Variants in SPTLC1 observed in about 807,000 individuals in gnomAD.
SPTLC1 encodes serine palmitoyltransferase 1.
A neutral mutation model predicts 68.9 loss-of-function variants in SPTLC1; 55 were observed. The observed-to-expected ratio is 0.80, with a 90% CI of 0.64 to 1.00. SPTLC1 has a LOEUF of 1.00. Among genes scored for constraint, SPTLC1 ranks in the 50% least tolerant of loss-of-function variants. The probability of loss-of-function intolerance (pLI) is 0.00; values close to 1 mark genes in which losing one functional copy is unlikely to be tolerated. For missense variants in SPTLC1, 449 were observed against 573.1 expected (o/e 0.78, Z 2.21); for synonymous variants, 197 against 201.6 (o/e 0.98, Z 0.19).
chr9:92,032,120 G>C lies in SPTLC1; in HGVS notation c.*345C>G. On this transcript the variant is annotated 3_prime_UTR_variant, in exon 15 of 15. Coordinates refer to ENST00000262554, the MANE Select transcript of SPTLC1 (RefSeq NM_006415.4). ...AACCATTACTATTAGAGGGAGGGAA[G>C]AGACACTGAAGCTCCAGTTTTAAAC... 3.0e-6 allele frequency: 2 copies of C among 657,854 alleles called. No homozygotes were observed. The highest frequency in any genetic ancestry group is 5.5e-5 in the East Asian group (2 of 36,176). 40.8% of individuals were successfully genotyped at this position (657,854 alleles called of 1,614,324 possible). A position where few individuals can be genotyped will look rare whatever the true frequency, so the allele number is the denominator to read the frequency against.
chr9:92,088,284 G>C (rs900599421), intron 3 of SPTLC1, among the ~76,000 whole-genome samples: 1 of 152,246 alleles, frequency 6.6e-6, no homozygotes, highest in African/African-American at 2.4e-5. Flanking sequence ...GCACTCCCTA[G>C]TGAGATGAAC....
intron 5 of SPTLC1, among the ~76,000 whole-genome samples, chr9:92,074,879 A>G (rs1834625605): frequency 6.6e-6 from 1 of 151,970 alleles, no homozygotes; most frequent in Non-Finnish European, 1.5e-5. Context: ...TGCCTTCTTT[A>G]CCATCCCCTT....
At chr9:92,060,974 CTAGA>C (rs1834079777) in intron 6 of SPTLC1, among the ~76,000 whole-genome samples, 1 of 150,412 alleles carries the variant, frequency 6.6e-6, no homozygotes, top group African/African-American at 2.4e-5. Context: ...AGAAAATAGA[CTAGA>C]AAGAAATGAA....
intron 3 of SPTLC1, among the ~76,000 whole-genome samples, chr9:92,100,007 C>T (rs932441871): frequency 5.3e-5 from 8 of 151,186 alleles, no homozygotes; most frequent in Non-Finnish European, 1.2e-4. Flanking sequence ...TTGCCTAACA[C>T]ATTTCTCAGA....
At chr9:92,065,602 A>G (rs533630596) in intron 6 of SPTLC1, among the ~76,000 whole-genome samples, 2 of 152,296 alleles carry the variant, frequency 1.3e-5, no homozygotes, top group South Asian at 4.1e-4. Context: ...TGGACTTTAA[A>G]AGAATTTATA....
At position 92,032,540 on chromosome 9, in the gene SPTLC1, C is replaced by T. The variant is rs749165047; in HGVS notation, c.1347G>A (p.Thr449=). The change falls in exon 15 of 15, where the codon ACG becomes ACA. Residue 449 remains threonine, a synonymous_variant. Coordinates refer to ENST00000262554, the MANE Select transcript of SPTLC1 (RefSeq NM_006415.4). ...LPPPSIRVVV[T]VEQTEEELER... is the part of the protein sequence containing the mutation. Reference sequence around the variant, plus strand: ...CCAGTTCTTCCTCTGTTTGTTCCACCGTGACCACAACCCGAATGCTGAGAA... The same window carrying T: ...CCAGTTCTTCCTCTGTTTGTTCCACTGTGACCACAACCCGAATGCTGAGAA... The T allele has an allele frequency of 3.3e-5, 53 of 1,613,998 alleles. No homozygotes were observed. The highest frequency in any genetic ancestry group is 2.7e-4 in the Admixed American group (16 of 59,994).
rs1472908452 is a variant in SPTLC1 at position 92,084,672 on chromosome 9, T to A, written c.261-3709A>T. 7.3e-5 allele frequency among the ~76,000 whole-genome samples: 11 copies of A among 150,662 alleles called. No individual in the cohort carries two copies. The South Asian group carries it at 2.3e-3, about 32-fold the overall frequency. The stretch of plus-strand genomic sequence containing the variant: ...ATTTTATTGAGGATTTTTGCATCAA[T>A]GTTCATCAAGGATATTGGTCTAAAA... On this transcript the variant is annotated intron_variant, in intron 3 of 14. Transcript: ENST00000262554.
At chr9:92,101,680 T>C (rs1177411352) in intron 3 of SPTLC1, among the ~76,000 whole-genome samples, 1 of 141,232 alleles carries the variant, frequency 7.1e-6, no homozygotes, top group Admixed American at 7.2e-5. Context: ...AATGGCACAC[T>C]AGATCAAACA....
At chr9:92,059,751 CTG>C (rs1440585407) in intron 6 of SPTLC1, among the ~76,000 whole-genome samples, 1 of 152,198 alleles carries the variant, frequency 6.6e-6, no homozygotes, top group Non-Finnish European at 1.5e-5. Flanking sequence ...GACTATTCTA[CTG>C]TAGCCAAACA....
chr9:92,048,303 TG>T (rs1833589629), intron 9 of SPTLC1, among the ~76,000 whole-genome samples: 1 of 152,178 alleles, frequency 6.6e-6, no homozygotes, highest in Non-Finnish European at 1.5e-5. Flanking sequence ...TCCTCATCTT[TG>T]GGTCCAGCCC....
At chr9:92,076,131 TTAA>T (rs1042899089) in intron 5 of SPTLC1, among the ~76,000 whole-genome samples, 2 of 152,140 alleles carry the variant, frequency 1.3e-5, no homozygotes, top group Non-Finnish European at 2.9e-5. Flanking sequence ...GGACTGCATG[TTAA>T]TATCTAATTG....
At chr9:92,099,124 T>A (rs1318402370) in intron 3 of SPTLC1, among the ~76,000 whole-genome samples, 3 of 152,304 alleles carry the variant, frequency 2.0e-5, no homozygotes, top group East Asian at 3.9e-4. Flanking sequence ...CACTAAATTA[T>A]CTAAGGACAC....
intron 9 of SPTLC1, among the ~76,000 whole-genome samples, chr9:92,049,309 G>A (rs986553150): frequency 5.3e-5 from 8 of 152,304 alleles, no homozygotes; most frequent in Admixed American, 5.2e-4. Flanking sequence ...CATGGTGGTT[G>A]GTAAGACAGC....
chr9:92,041,428 C>A (rs1470679881), intron 12 of SPTLC1, among the ~76,000 whole-genome samples: 2 of 152,086 alleles, frequency 1.3e-5, no homozygotes, highest in African/African-American at 2.4e-5. Flanking sequence ...TGAAAACACA[C>A]AAAACCAAAT....
chr9:92,086,636 T>G (rs1399509610), intron 3 of SPTLC1, among the ~76,000 whole-genome samples: 1 of 152,262 alleles, frequency 6.6e-6, no homozygotes, highest in South Asian at 2.1e-4. Context: ...GGGCTTCCCT[T>G]TGTGGGTAAC....
rs959637879 is a variant in SPTLC1, at chr9:92,049,894, G to A, written c.888+66C>T. ...CTGTCTTGTGCCTATAAAAATATAG[G>A]CCTAGCAGAATGGAACTACATGTCT... On this transcript the variant is annotated intron_variant, in intron 9 of 14. Coordinates refer to ENST00000262554, the MANE Select transcript of SPTLC1 (RefSeq NM_006415.4). The A allele has an allele frequency of 4.0e-5, 42 of 1,058,478 alleles. No individual in the cohort carries two copies. In the Admixed American group the frequency reaches 7.1e-4, roughly 18 times the overall value. The allele number at this position is 1,058,478 out of a possible 1,614,324, so 65.6% of individuals were successfully genotyped here.
At chr9:92,094,137 C>T (rs1268381376) in intron 3 of SPTLC1, among the ~76,000 whole-genome samples, 1 of 152,152 alleles carries the variant, frequency 6.6e-6, no homozygotes, top group Non-Finnish European at 1.5e-5. Flanking sequence ...TTTAAGAATA[C>T]AAACCGTAAG....
At chr9:92,049,101 G>T (rs113064719) in intron 9 of SPTLC1, among the ~76,000 whole-genome samples, 15 of 152,230 alleles carry the variant, frequency 9.9e-5, no homozygotes, top group African/African-American at 3.4e-4. Context: ...ACTGCTGAAT[G>T]TCAGTCTGCC....
chr9:92,108,564 G>C (rs1351884526), intron 3 of SPTLC1, 176 bp downstream of exon 3: 1 of 803,598 alleles, frequency 1.2e-6, no homozygotes, highest in African/African-American at 1.7e-5. Flanking sequence ...TTTAAAAAAT[G>C]CCTGTATCAT....
Sources: allele counts gnomAD v4.1 joint callset (sites outside exome capture counted in the v4.1 genomes callset), GRCh38; gene constraint gnomAD v4.1.1; transcripts MANE v1.5; gene names NCBI Gene and HGNC (gene_info 2026-07-23, HGNC 2026-07-21).